Variants in PRPF3 observed in about 807,000 individuals in gnomAD.
The protein encoded by PRPF3 is U4/U6 small nuclear ribonucleoprotein Prp3.
In PRPF3, 3 loss-of-function variants were observed where a neutral mutation model predicts 89.2. That is an observed-to-expected ratio of 0.03 (90% CI 0.02 to 0.09). The LOEUF is 0.09. PRPF3 is among the 10% of genes least tolerant of loss of function. PRPF3 has a pLI of 1.00. For synonymous variants in PRPF3, 270 were observed against 289.1 expected, an observed-to-expected ratio of 0.93 and a Z score of 0.67; for missense variants, 463 against 828.8, an observed-to-expected ratio of 0.56 and a Z score of 5.42.
intron 6 of PRPF3, 117 bp from the exon 7 acceptor site, chr1:150,334,818 C>G: frequency 1.6e-6 from 2 of 1,245,778 alleles, no homozygotes; most frequent in Admixed American, 3.9e-5. Flanking sequence ...ATCCCTCTGC[C>G]TTGGCCTCCC....
rs201974506 is a variant in PRPF3, at chr1:150,324,948, A to G, written c.6A>G (p.Ala2=). M[A]LSKRELDELK... ...TGTTCTCTTTTTCCTGAAAAATGGC[A>G]CTGTCAAAGAGGGAGCTGGATGAGC... Residue 2 remains alanine (A), a synonymous_variant, in exon 2 of 16, where the codon GCA becomes GCG. Coordinates refer to ENST00000324862, the MANE Select transcript of PRPF3 (RefSeq NM_004698.4). 1 of 1,606,736 alleles carries G rather than the reference A, an allele frequency of 6.2e-7. No individual in the cohort carries two copies. The highest frequency in any genetic ancestry group is 8.5e-7 in the Non-Finnish European group (1 of 1,177,676).
At chr1:150,325,729 C>T in intron 2 of PRPF3, 22 bp from the exon 3 acceptor site, 4 of 1,609,604 alleles carry the variant, frequency 2.5e-6, no homozygotes, top group South Asian at 1.1e-5. Context: ...TCCAACCCTA[C>T]CACCGCCTTT....
intron 1 of PRPF3, among the ~76,000 whole-genome samples, chr1:150,322,127 C>T (rs1655118382): frequency 6.6e-6 from 1 of 152,164 alleles, no homozygotes; most frequent in Non-Finnish European, 1.5e-5. Flanking sequence ...GTTTGCACGT[C>T]ATCTTATGGA....
chr1:150,328,000 T>G, intron 3 of PRPF3: 4 of 341,844 alleles, frequency 1.2e-5, no homozygotes, highest in East Asian at 6.8e-5. Flanking sequence ...AGGAGGTGAG[T>G]TTTAGGCAGG....
intron 1 of PRPF3, among the ~76,000 whole-genome samples, chr1:150,322,589 C>T (rs1207465739): frequency 1.3e-5 from 2 of 152,148 alleles, no homozygotes; most frequent in Non-Finnish European, 2.9e-5. Context: ...ACTCACGTAA[C>T]TTGTCACTGA....
In PRPF3 at chr1:150,324,787, T is replaced by C. The variant is rs60758881; in HGVS notation, c.-48-108T>C. The stretch of plus-strand genomic sequence containing the variant: ...GTCTCGAACTCTTGACCCCAGGCAG[T>C]CCATCCACCTTGGCCTCCCAAAGTG... On this transcript the variant is annotated intron_variant, in intron 1 of 15. Coordinates refer to ENST00000324862, the MANE Select transcript of PRPF3 (RefSeq NM_004698.4). The C allele has an allele frequency of 0.021, 16,294 of 774,414 alleles. 1,066 individuals carry two copies. Among genetic ancestry groups the C allele is most frequent in the African/African-American group, 0.13 (7,419 of 56,704 alleles). 48.0% of individuals were successfully genotyped at this position (774,414 alleles called of 1,614,324 possible). A position where few individuals can be genotyped will look rare whatever the true frequency, so the allele number is the denominator to read the frequency against.
chr1:150,350,110 G>C (rs1658760072), intron 15 of PRPF3, among the ~76,000 whole-genome samples: 1 of 152,038 alleles, frequency 6.6e-6, no homozygotes, highest in South Asian at 2.1e-4. Flanking sequence ...TGGTCAGGCT[G>C]GTCTTGAACT....
intron 8 of PRPF3, 56 bp downstream of exon 8, chr1:150,338,382 G>A: frequency 1.3e-6 from 2 of 1,530,024 alleles, no homozygotes; most frequent in East Asian, 2.3e-5. Flanking sequence ...CTGAGTTTAA[G>A]ACTCAAGTTA....
chr1:150,325,339 A>G (rs1305516780), intron 2 of PRPF3, among the ~76,000 whole-genome samples: 1 of 152,186 alleles, frequency 6.6e-6, no homozygotes, highest in Non-Finnish European at 1.5e-5. Flanking sequence ...AGTTAGATTT[A>G]CTTAGGAAGT....
At chr1:150,344,998 C>T (rs1257281468) in intron 12 of PRPF3, among the ~76,000 whole-genome samples, 1 of 151,600 alleles carries the variant, frequency 6.6e-6, no homozygotes, top group Non-Finnish European at 1.5e-5. Flanking sequence ...GTGTTTCATC[C>T]TCACTCCAAA....
rs1002893595 is a variant in PRPF3 at position 150,333,012 on chromosome 1, C to G, written c.541C>G (p.Leu181Val). Residue 181 changes from leucine (L) to valine (V), a missense_variant, in exon 6 of 16, where the codon CTT (leucine) becomes GTT (valine). Leu to Val is a conservative substitution (Grantham distance 32). Transcript: ENST00000324862. ...TCCTTCTTCCTCCCAACCAGAACGA[C>G]TTCCTATTGGCAACACTATTCAGCC... The part of the protein sequence containing the change: ...KTPSSSQPER[L>V]PIGNTIQPSQ... 7 of 1,613,834 alleles carry G rather than the reference C, an allele frequency of 4.3e-6. No homozygotes were observed. In the East Asian group the frequency reaches 1.6e-4, roughly 36 times the overall value.
rs887528935 is a variant in PRPF3 at position 150,332,933 on chromosome 1, G to T, written c.508-46G>T. On this transcript the variant is annotated intron_variant, in intron 5 of 15. Coordinates refer to ENST00000324862, the MANE Select transcript of PRPF3 (RefSeq NM_004698.4). ...TATCTGTGTGTATGTATGTGTGTTTGTCTGCCTGTCTTAATTCCTCTGATT... is the reference window on the plus strand; with the variant it reads ...TATCTGTGTGTATGTATGTGTGTTTTTCTGCCTGTCTTAATTCCTCTGATT... The T allele has an allele frequency of 1.9e-6, 3 of 1,564,328 alleles. No individual in the cohort carries two copies. In the Admixed American group the frequency reaches 5.0e-5, roughly 26 times the overall value.
chr1:150,328,011 A>G (rs1655913217), intron 3 of PRPF3: 9 of 368,536 alleles, frequency 2.4e-5, no homozygotes, highest in South Asian at 2.1e-4. Context: ...TTTAGGCAGG[A>G]TTTGGAACAG....
chr1:150,325,079 A>AG lies in PRPF3; in HGVS notation c.139dup (p.Ala47GlyfsTer10). ...GTGGGGAAGGGCATGGACAAGAAGA[A>AG]GGCAGCCGGTATGTACCTTTCTGCA... On this transcript the variant is annotated frameshift_variant, in exon 2 of 16. Transcript: ENST00000324862. LOFTEE classifies it high-confidence loss of function. 1 of 1,613,480 alleles carries AG rather than the reference A, an allele frequency of 6.2e-7. No homozygotes were observed. The highest frequency in any genetic ancestry group is 8.5e-7 in the Non-Finnish European group (1 of 1,179,726).
intron 7 of PRPF3, 150 bp from the exon 8 acceptor site, chr1:150,338,010 G>T (rs951349882): frequency 4.1e-6 from 3 of 724,244 alleles, no homozygotes; most frequent in Non-Finnish European, 6.8e-6. Context: ...GAAGGTAGAG[G>T]TTGCTGTTAG....
chr1:150,334,334 G>A (rs1466769450), intron 6 of PRPF3, among the ~76,000 whole-genome samples: 1 of 152,066 alleles, frequency 6.6e-6, no homozygotes, highest in Non-Finnish European at 1.5e-5. Flanking sequence ...GCTCACTGAT[G>A]AGATTGTTCC....
chr1:150,324,901 T>C lies in PRPF3; in HGVS notation c.-42T>C. 1 of 1,541,412 alleles carries C rather than the reference T, an allele frequency of 6.5e-7. No individual in the cohort carries two copies. The highest frequency in any genetic ancestry group is 8.9e-7 in the Non-Finnish European group (1 of 1,128,516). On this transcript the variant is annotated 5_prime_UTR_variant, in exon 2 of 16. Transcript: ENST00000324862. The stretch of plus-strand genomic sequence containing the variant: ...GTCTCTTTTTTTTTTTTAGGTGTAG[T>C]ATTGAGTCCTGTTTGAGCTATTGTT...
chr1:150,325,884 A>C lies in PRPF3; in HGVS notation c.276+3A>C. 1 of 1,612,414 alleles carries C rather than the reference A, an allele frequency of 6.2e-7. No individual in the cohort carries two copies. The highest frequency in any genetic ancestry group is 8.5e-7 in the Non-Finnish European group (1 of 1,178,878). ...GGAGCAGAAAACGAGAGCTAAAGGT[A>C]GGTTACAATTTACTGTCTAATGAGC... is the stretch of plus-strand genomic sequence containing the variant. On this transcript the variant is annotated splice_donor_region_variant and intron_variant, in intron 3 of 15. Coordinates refer to ENST00000324862, the MANE Select transcript of PRPF3 (RefSeq NM_004698.4).
At chr1:150,329,797 T>G (rs587740555) in intron 4 of PRPF3, 1 of 152,312 alleles carries the variant, frequency 6.6e-6, no homozygotes, top group South Asian at 2.1e-4. Flanking sequence ...GTTCTCTCTG[T>G]CACTCAGGCT....
Sources: gnomAD v4.1 joint callset for allele counts (sites outside exome capture counted in the v4.1 genomes callset) on GRCh38, gnomAD v4.1.1 for gene constraint, MANE v1.5 for transcripts, NCBI Gene and HGNC (gene_info 2026-07-23, HGNC 2026-07-21) for gene names.